PPA2: variants seen among roughly 807,000 people sequenced by gnomAD.
PPA2 encodes inorganic pyrophosphatase 2, mitochondrial.
Under a neutral mutation model 49.5 loss-of-function variants are expected in PPA2, and 48 were observed. The ratio of observed to expected loss-of-function variants is 0.97; its 90% CI spans 0.77 to 1.23. The LOEUF is 1.23. Ranked by LOEUF, PPA2 falls within the 50% of genes most tolerant of loss-of-function variation. The probability of loss-of-function intolerance (pLI) is 0.00; values close to 1 mark genes in which losing one functional copy is unlikely to be tolerated. For missense variants in PPA2, 429 were observed against 410.1 expected (o/e 1.05, Z -0.40); for synonymous variants, 131 against 139.9 (o/e 0.94, Z 0.45).
intron 1 of PPA2, among the ~76,000 whole-genome samples, chr4:105,462,260 G>A (rs748763918): frequency 2.0e-5 from 3 of 151,878 alleles, no homozygotes; most frequent in Admixed American, 6.6e-5. Flanking sequence ...CCCTTCCTCA[G>A]AACCACAGAA....
chr4:105,421,928 A>C (rs1180264165), intron 7 of PPA2, among the ~76,000 whole-genome samples: 1 of 152,058 alleles, frequency 6.6e-6, no homozygotes, highest in East Asian at 1.9e-4. Context: ...CTGTACTCCC[A>C]ACTAGTCAGG....
chr4:105,408,131 C>T (rs1385960039), intron 7 of PPA2, among the ~76,000 whole-genome samples: 1 of 152,088 alleles, frequency 6.6e-6, no homozygotes, highest in African/African-American at 2.4e-5. Context: ...TTCACAGAAT[C>T]AAACAAAACA....
rs182963212 is a variant in PPA2, at chr4:105,397,064, T to C, written c.784-730A>G. ...TCCAGTAAGAATATCTAAGGAAAAC[T>C]TGCTTTATAATTCCAAAGCAGAAAG... is the stretch of plus-strand genomic sequence containing the variant. On this transcript the variant is annotated intron_variant, in intron 8 of 11. Transcript: ENST00000341695. Among the ~76,000 whole-genome samples, 227 of 152,302 alleles carry C rather than the reference T, an allele frequency of 1.5e-3. 1 individual carries two copies. Among genetic ancestry groups the C allele is most frequent in the African/African-American group, 5.1e-3 (211 of 41,582 alleles).
intron 1 of PPA2, among the ~76,000 whole-genome samples, chr4:105,466,147 G>A (rs1458040711): frequency 6.6e-6 from 1 of 151,926 alleles, no homozygotes; most frequent in African/African-American, 2.4e-5. Context: ...AAGAGGTCTT[G>A]GTCTTGATTG....
At chr4:105,434,087 A>G (rs1331510166) in intron 6 of PPA2, among the ~76,000 whole-genome samples, 1 of 152,146 alleles carries the variant, frequency 6.6e-6, no homozygotes, top group African/African-American at 2.4e-5. Flanking sequence ...CTCGCCTCCC[A>G]AAGTGCTGGG....
chr4:105,426,868 T>C (rs1359023078), intron 6 of PPA2, among the ~76,000 whole-genome samples: 8 of 152,176 alleles, frequency 5.3e-5, no homozygotes, highest in Admixed American at 5.2e-4. Context: ...CAGCATGGCA[T>C]TTGAGCTCCG....
chr4:105,404,491 TA>T (rs1722365408), intron 7 of PPA2, among the ~76,000 whole-genome samples: 1 of 152,086 alleles, frequency 6.6e-6, no homozygotes, highest in East Asian at 1.9e-4. Context: ...TAACAAGAAC[TA>T]AAGAAAAACA....
chr4:105,442,234 A>G (rs1476026042), intron 5 of PPA2, among the ~76,000 whole-genome samples: 3 of 152,190 alleles, frequency 2.0e-5, no homozygotes, highest in Non-Finnish European at 4.4e-5. Context: ...TAACATCAGT[A>G]GCAATCATCA....
At chr4:105,471,812 T>A (rs770578589) in intron 1 of PPA2, among the ~76,000 whole-genome samples, 8 of 152,006 alleles carry the variant, frequency 5.3e-5, no homozygotes, top group Non-Finnish European at 1.0e-4. Flanking sequence ...CACCTTCCAA[T>A]CAGGATCTTA....
At chr4:105,382,938 C>A (rs1362035764) in intron 10 of PPA2, among the ~76,000 whole-genome samples, 2 of 152,034 alleles carry the variant, frequency 1.3e-5, no homozygotes, top group Non-Finnish European at 2.9e-5. Context: ...GAAGTCAAGG[C>A]TGCTGTGAAC....
At chr4:105,428,461 C>T (rs1351946144) in intron 6 of PPA2, among the ~76,000 whole-genome samples, 1 of 151,286 alleles carries the variant, frequency 6.6e-6, no homozygotes, top group Non-Finnish European at 1.5e-5. Flanking sequence ...ACCCATCTCA[C>T]GTGCAGAGAC....
chr4:105,427,345 G>C lies in PPA2; in HGVS notation c.529-3023C>G, dbSNP rs576627187. ...AACAGAACAAAACTGCATGAAGAATGACTTTGATGAGTTGACAAAAGTAGG... is the reference window on the plus strand; with the variant it reads ...AACAGAACAAAACTGCATGAAGAATCACTTTGATGAGTTGACAAAAGTAGG... On this transcript the variant is annotated intron_variant, in intron 6 of 11. Transcript: ENST00000341695. Among the ~76,000 whole-genome samples the C allele has an allele frequency of 4.6e-5, 7 of 152,278 alleles. No homozygotes were observed. The East Asian group carries it at 1.4e-3, about 29-fold the overall frequency.
chr4:105,439,243 T>C (rs1016790808), intron 5 of PPA2, among the ~76,000 whole-genome samples: 3 of 152,146 alleles, frequency 2.0e-5, no homozygotes, highest in Non-Finnish European at 4.4e-5. Flanking sequence ...AAACACAGAG[T>C]TTAAACTTGC....
chr4:105,403,704 C>A (rs909851229), intron 7 of PPA2, among the ~76,000 whole-genome samples: 1 of 151,932 alleles, frequency 6.6e-6, no homozygotes, highest in Non-Finnish European at 1.5e-5. Context: ...TAAAAGAAAA[C>A]CTATAATAAC....
intron 9 of PPA2, among the ~76,000 whole-genome samples, chr4:105,390,621 T>C (rs1733875679): frequency 6.6e-6 from 1 of 152,060 alleles, no homozygotes; most frequent in Non-Finnish European, 1.5e-5. Flanking sequence ...TCTTGAGCCA[T>C]GAATGGCGAT....
Position 105,369,726 on chromosome 4 carries a change from C to T in PPA2, c.1004G>A (p.Ter335=), listed in dbSNP as rs775398653. 6.3e-7 allele frequency: 1 copy of T among 1,589,946 alleles called. No individual in the cohort carries two copies. The highest frequency in any genetic ancestry group is 8.6e-7 in the Non-Finnish European group (1 of 1,158,190). Residue 335 remains the stop codon, a stop_retained_variant, in exon 12 of 12, where the codon TGA becomes TAA. Transcript: ENST00000341695. ...EEQVWHFLGK[*] ...ACAGCAGAATTTCAGATGTTTCAAT[C>T]ACTTGCCAAGGAAGTGCCACACTTG...
chr4:105,389,009 A>C (rs2713835), intron 9 of PPA2, among the ~76,000 whole-genome samples: 91,247 of 151,690 alleles, frequency 0.6, 27,496 homozygotes, highest in East Asian at 0.69. Flanking sequence ...AACATCCTCA[A>C]TGATGTCCTT....
chr4:105,455,551 C>A (rs564018122), intron 2 of PPA2, among the ~76,000 whole-genome samples: 1 of 152,114 alleles, frequency 6.6e-6, no homozygotes, highest in African/African-American at 2.4e-5. Flanking sequence ...AATAAGGGTA[C>A]TAAATGTAAA....
chr4:105,378,628 G>A (rs900405197), intron 10 of PPA2, among the ~76,000 whole-genome samples: 3 of 152,022 alleles, frequency 2.0e-5, no homozygotes, highest in Non-Finnish European at 4.4e-5. Flanking sequence ...AACAGATTGT[G>A]CCTTTGGTGT....
Sources: allele counts gnomAD v4.1 joint callset (sites outside exome capture counted in the v4.1 genomes callset), GRCh38; gene constraint gnomAD v4.1.1; transcripts MANE v1.5; gene names NCBI Gene and HGNC (gene_info 2026-07-23, HGNC 2026-07-21).